Variants in ALPK2 observed in about 807,000 individuals in gnomAD.
ALPK2 encodes alpha-protein kinase 2.
ALPK2 carries 127 observed loss-of-function variants against 163.1 expected under a neutral mutation model. The observed-to-expected ratio is 0.78, with a 90% CI of 0.67 to 0.90. The LOEUF (loss-of-function observed/expected upper bound fraction) is 0.90. Ranked by LOEUF, ALPK2 falls within the 40% of genes least tolerant of loss-of-function variation. The pLI is 0.00. For synonymous variants in ALPK2, 953 were observed against 959.1 expected (o/e 0.99, Z 0.12); for missense variants, 2,360 against 2,589.6 (o/e 0.91, Z 1.92).
intron 4 of ALPK2, among the ~76,000 whole-genome samples, chr18:58,573,218 ATATATGTG>A (rs1224855326): frequency 7.1e-6 from 1 of 140,046 alleles, no homozygotes; most frequent in African/African-American, 2.7e-5. Flanking sequence ...ATATATGTAT[ATATATGTG>A]TATATGTGTG....
intron 4 of ALPK2, among the ~76,000 whole-genome samples, chr18:58,573,694 A>T (rs1010426717): frequency 2.2e-5 from 3 of 134,888 alleles, no homozygotes; most frequent in Non-Finnish European, 3.0e-5. Context: ...GCAGGGTCAT[A>T]GGATAATAGT....
Position 58,536,422 on chromosome 18 carries a change from T to A in ALPK2, c.3765A>T (p.Thr1255=). 6.2e-7 allele frequency: 1 copy of A among 1,614,194 alleles called. No homozygotes were observed. Among genetic ancestry groups the A allele is most frequent in the Non-Finnish European group, 8.5e-7 (1 of 1,180,016 alleles). The part of the protein sequence containing the change: ...ASEIWPPRQL[T]NSESKASDGG... Reference sequence around the variant, plus strand: ...CGTCTGATGCCTTGCTCTCAGAATTTGTCAGTTGTCGTGGTGGCCAGATTT... The same window carrying A: ...CGTCTGATGCCTTGCTCTCAGAATTAGTCAGTTGTCGTGGTGGCCAGATTT... The change falls in exon 5 of 13, where the codon ACA becomes ACT. Residue 1255 remains threonine, a synonymous_variant. Coordinates refer to ENST00000361673, the MANE Select transcript of ALPK2 (RefSeq NM_052947.4).
intron 4 of ALPK2, among the ~76,000 whole-genome samples, chr18:58,550,531 C>CTACAACCCCATCCCCATCTCCATCATA: frequency 6.7e-6 from 1 of 149,870 alleles, no homozygotes; most frequent in Admixed American, 6.6e-5. Flanking sequence ...TCTCCATCAC[C>CTACAACCCCATCCCCATCTCCATCATA]TACAATCCCA....
chr18:58,579,257 C>G lies in ALPK2; in HGVS notation c.1519G>C (p.Gly507Arg). ...GCCGTCTCCCAACACTGGCTCATCCCTGAGTTTTCTGACTCACCAGACAAG... is the reference window on the plus strand; with the variant it reads ...GCCGTCTCCCAACACTGGCTCATCCGTGAGTTTTCTGACTCACCAGACAAG... ...KLLSGESENSGMSQCWETAAD... is the reference protein window; with the variant it reads ...KLLSGESENSRMSQCWETAAD... The change falls in exon 4 of 13, where the codon GGG becomes CGG. Residue 507 changes from glycine to arginine, a missense_variant. Physicochemically the swap from Gly to Arg is moderately radical, Grantham distance 125 (BLOSUM62 -2). Transcript: ENST00000361673. 3 of 1,614,168 alleles carry G rather than the reference C, an allele frequency of 1.9e-6. No homozygotes were observed. In the Admixed American group the frequency reaches 5.0e-5, roughly 27 times the overall value.
intron 3 of ALPK2, among the ~76,000 whole-genome samples, chr18:58,586,836 G>C (rs535315913): frequency 2.0e-5 from 3 of 151,936 alleles, no homozygotes; most frequent in African/African-American, 7.2e-5. Flanking sequence ...TAAACAATAG[G>C]GTAACCAAAA....
chr18:58,627,655 C>CA (rs993019695), intron 1 of ALPK2, among the ~76,000 whole-genome samples: 1 of 151,852 alleles, frequency 6.6e-6, no homozygotes, highest in Non-Finnish European at 1.5e-5. Flanking sequence ...CAAAACAAAA[C>CA]AAAAAAAGGA....
At chr18:58,490,714 G>T (rs1255475921) in intron 12 of ALPK2, among the ~76,000 whole-genome samples, 1 of 152,086 alleles carries the variant, frequency 6.6e-6, no homozygotes, top group Non-Finnish European at 1.5e-5. Context: ...CAATGAGTCT[G>T]GTCTCTGCGT....
chr18:58,548,760 G>T (rs1341756525), intron 4 of ALPK2, among the ~76,000 whole-genome samples: 1 of 152,182 alleles, frequency 6.6e-6, no homozygotes. Context: ...GGGATATTGA[G>T]ATCGCTGAGA....
chr18:58,514,340 A>G lies in ALPK2; in HGVS notation c.6029+653T>C, dbSNP rs146051137. Among the ~76,000 whole-genome samples, 22 of 152,320 alleles carry G rather than the reference A, an allele frequency of 1.4e-4. No individual in the cohort carries two copies. The East Asian group carries it at 4.2e-3, about 29-fold the overall frequency. On this transcript the variant is annotated intron_variant, in intron 10 of 12. Coordinates refer to ENST00000361673, the MANE Select transcript of ALPK2 (RefSeq NM_052947.4). The stretch of plus-strand genomic sequence containing the variant: ...CATAGGTAAATAGCTGCTCTGTCTG[A>G]AAGTTCCAACATGCACTAGCTAAGC...
intron 1 of ALPK2, among the ~76,000 whole-genome samples, chr18:58,612,029 C>T (rs1377215976): frequency 6.6e-6 from 1 of 152,150 alleles, no homozygotes; most frequent in East Asian, 1.9e-4. Flanking sequence ...CTGTGCATTG[C>T]AGGATATTTA....
At chr18:58,527,188 G>A (rs1423767811) in intron 6 of ALPK2, among the ~76,000 whole-genome samples, 1 of 151,964 alleles carries the variant, frequency 6.6e-6, no homozygotes. Flanking sequence ...TCAACTCTTT[G>A]AAAATGATAC....
intron 4 of ALPK2, among the ~76,000 whole-genome samples, chr18:58,554,343 G>T (rs2051777818): frequency 6.6e-6 from 1 of 152,232 alleles, no homozygotes; most frequent in Non-Finnish European, 1.5e-5. Context: ...TGCCACTCTT[G>T]TCTCTCTGAC....
At chr18:58,509,892 G>C (rs1464525594) in intron 10 of ALPK2, among the ~76,000 whole-genome samples, 1 of 151,916 alleles carries the variant, frequency 6.6e-6, no homozygotes, top group Non-Finnish European at 1.5e-5. Context: ...AGTTTAATTA[G>C]ATCCCATTTG....
chr18:58,554,782 C>T (rs891961317), intron 4 of ALPK2, among the ~76,000 whole-genome samples: 3 of 152,118 alleles, frequency 2.0e-5, no homozygotes, highest in African/African-American at 7.2e-5. Flanking sequence ...GGCTGTGTCC[C>T]CACCCAAATC....
At position 58,537,350 on chromosome 18, in the gene ALPK2, A is replaced by G; in HGVS notation, c.2837T>C (p.Leu946Pro). The G allele has an allele frequency of 6.2e-7, 1 of 1,614,088 alleles. No individual in the cohort carries two copies. ...CACTAAAGGATTGTTCTCAGAAGAA[A>G]GGAGCTGTGTTTCATCAAGCCCTCC... ...NSGGLDETQL[L>P]SSENNPLVQF... The change falls in exon 5 of 13, where the codon CTT (leucine) becomes CCT (proline). Residue 946 changes from leucine to proline, a missense_variant. Transcript: ENST00000361673.
chr18:58,505,649 C>T (rs1465698891), intron 10 of ALPK2, among the ~76,000 whole-genome samples: 2 of 152,164 alleles, frequency 1.3e-5, no homozygotes, highest in Non-Finnish European at 2.9e-5. Flanking sequence ...ACCCCACAGC[C>T]CACCCCAACT....
intron 4 of ALPK2, among the ~76,000 whole-genome samples, chr18:58,554,622 T>G (rs529056579): frequency 6.6e-6 from 1 of 152,280 alleles, no homozygotes; most frequent in South Asian, 2.1e-4. Context: ...GAGATCAGTG[T>G]GTCTTGTGCT....
intron 4 of ALPK2, among the ~76,000 whole-genome samples, chr18:58,552,104 C>T (rs868850363): frequency 2.0e-5 from 3 of 151,900 alleles, no homozygotes; most frequent in South Asian, 2.1e-4. Context: ...AAAAAAATGC[C>T]CCAAATCGCA....
chr18:58,590,107 G>A (rs1023274641), intron 3 of ALPK2, among the ~76,000 whole-genome samples: 2 of 151,654 alleles, frequency 1.3e-5, no homozygotes, highest in Non-Finnish European at 2.9e-5. Context: ...TGTAATCCCA[G>A]CTACTTGGGA....
Sources: gnomAD v4.1 joint callset for allele counts (sites outside exome capture counted in the v4.1 genomes callset) on GRCh38, gnomAD v4.1.1 for gene constraint, MANE v1.5 for transcripts, NCBI Gene and HGNC (gene_info 2026-07-23, HGNC 2026-07-21) for gene names.